CELF5: variants seen among roughly 807,000 people sequenced by gnomAD.
The protein encoded by CELF5 is CUGBP Elav-like family member 5, also known as CUG-BP and ETR-3 like factor 5.
Under a neutral mutation model 54.9 loss-of-function variants are expected in CELF5, and 6 were observed. The observed-to-expected ratio is 0.11, with a 90% CI of 0.06 to 0.22. CELF5 has a LOEUF of 0.22. CELF5 is among the 10% of genes least tolerant of loss of function. The pLI is 1.00. For missense variants in CELF5, 401 were observed against 678.6 expected (o/e 0.59, Z 4.54); for synonymous variants, 271 against 290.9 (o/e 0.93, Z 0.70).
At chr19:3,258,646 C>G (rs2079765489) in intron 2 of CELF5, among the ~76,000 whole-genome samples, 1 of 151,980 alleles carries the variant, frequency 6.6e-6, no homozygotes, top group Non-Finnish European at 1.5e-5. Flanking sequence ...GGGTCTTGCT[C>G]TGTCGCCCAG....
intron 1 of CELF5, among the ~76,000 whole-genome samples, chr19:3,235,404 A>T (rs112313692): frequency 6.7e-6 from 1 of 149,876 alleles, no homozygotes; most frequent in African/African-American, 2.5e-5. Flanking sequence ...AATAGACTGT[A>T]AGCCTCATTA....
rs2080098757 is a variant in CELF5, at chr19:3,278,701, T to TGTGTGTG, written c.603+591_603+592insGTGTGTG. Among the ~76,000 whole-genome samples the TGTGTGTG allele has an allele frequency of 8.6e-6, 1 of 116,246 alleles. No individual in the cohort carries two copies. The highest frequency in any genetic ancestry group is 8.7e-5 in the Admixed American group (1 of 11,434). The allele number at this position is 116,246 out of a possible 152,430, so 76.3% of individuals were successfully genotyped here. A position where few individuals can be genotyped will look rare whatever the true frequency, so the allele number is the denominator to read the frequency against. On this transcript the variant is annotated intron_variant, in intron 5 of 12. Coordinates refer to ENST00000292672, the MANE Select transcript of CELF5 (RefSeq NM_021938.4). The surrounding 1 kb of genome is among the most constrained non-coding windows in gnomAD (Gnocchi z 4.5). ...GGTTTGTGTGTGTGTGTGTGTGTGT[T>TGTGTGTG]TGTGTGTGTGCATGACTGTGAGTGT...
chr19:3,254,471 A>G (rs1414830530), intron 2 of CELF5, among the ~76,000 whole-genome samples: 3 of 149,464 alleles, frequency 2.0e-5, no homozygotes, highest in African/African-American at 7.5e-5. Context: ...CCATCTATCC[A>G]TCCACCCACC....
At chr19:3,225,480 C>CCCCAA in intron 1 of CELF5, 3 of 670,798 alleles carry the variant, frequency 4.5e-6, no homozygotes, top group Non-Finnish European at 5.5e-6. Context: ...CCCCCACCCC[C>CCCCAA]ATTCATTCAG....
intron 1 of CELF5, among the ~76,000 whole-genome samples, chr19:3,226,350 G>A (rs1358584086): frequency 6.6e-6 from 1 of 151,832 alleles, no homozygotes; most frequent in Admixed American, 6.6e-5. Flanking sequence ...TGGGGCCCAG[G>A]CCTGTCACTT....
chr19:3,226,603 C>T (rs1599374482), intron 1 of CELF5, among the ~76,000 whole-genome samples: 1 of 152,126 alleles, frequency 6.6e-6, no homozygotes, highest in African/African-American at 2.4e-5. Flanking sequence ...ACGCCCCCAC[C>T]CCTGGGTACA....
At position 3,268,232 on chromosome 19, in the gene CELF5, C is replaced by T. The variant is rs1259821812; in HGVS notation, c.343-5640C>T. On this transcript the variant is annotated intron_variant, in intron 2 of 12. Coordinates refer to ENST00000292672, the MANE Select transcript of CELF5 (RefSeq NM_021938.4). The surrounding 1 kb of genome is among the most constrained non-coding windows in gnomAD (Gnocchi z 4.4). ...CAGGCTGGTCTCGAACTCCTGACCT[C>T]AGGTGATCCGCCCGCCTCAGCCTCC... is the stretch of plus-strand genomic sequence containing the variant. Among the ~76,000 whole-genome samples the T allele has an allele frequency of 1.3e-5, 2 of 152,040 alleles. No homozygotes were observed. Among genetic ancestry groups the T allele is most frequent in the African/African-American group, 4.8e-5 (2 of 41,396 alleles).
intron 2 of CELF5, among the ~76,000 whole-genome samples, chr19:3,260,010 A>T (rs1442317615): frequency 6.6e-6 from 1 of 152,256 alleles, no homozygotes; most frequent in Non-Finnish European, 1.5e-5. Flanking sequence ...AGCAATATTT[A>T]AAAAGTAAAA....
intron 2 of CELF5, among the ~76,000 whole-genome samples, chr19:3,258,290 A>ATTT (rs574738460): frequency 5.6e-5 from 8 of 142,326 alleles, no homozygotes; most frequent in African/African-American, 2.1e-4. Flanking sequence ...TTTTGATTTA[A>ATTT]TTTTTTTTTT....
At chr19:3,277,691 C>T (rs2080079570) in intron 4 of CELF5, among the ~76,000 whole-genome samples, 1 of 152,078 alleles carries the variant, frequency 6.6e-6, no homozygotes, top group African/African-American at 2.4e-5. Context: ...GTTCTATGGA[C>T]TTTGTCGGTG....
At chr19:3,290,132 T>C in intron 10 of CELF5, 99 bp from the exon 11 acceptor site, 1 of 886,532 alleles carries the variant, frequency 1.1e-6, no homozygotes, top group Non-Finnish European at 1.8e-6. Flanking sequence ...TCCCGACAGC[T>C]GGAGAAGCCA....
intron 2 of CELF5, among the ~76,000 whole-genome samples, chr19:3,251,685 T>TTGTTGTTG (rs1383654415): frequency 6.9e-6 from 1 of 145,956 alleles, no homozygotes; most frequent in Non-Finnish European, 1.5e-5. Context: ...GTTGTTGTTG[T>TTGTTGTTG]TGTTGTTGAG....
intron 4 of CELF5, among the ~76,000 whole-genome samples, chr19:3,277,426 C>T (rs1293578835): frequency 6.6e-6 from 1 of 152,172 alleles, no homozygotes; most frequent in African/African-American, 2.4e-5. Flanking sequence ...GAGCCGAGAT[C>T]ACGCCACTGC....
intron 10 of CELF5, 61 bp from the exon 11 acceptor site, chr19:3,290,170 C>T (rs180871810): frequency 2.1e-6 from 3 of 1,444,714 alleles, no homozygotes; most frequent in African/African-American, 2.8e-5. Flanking sequence ...TGTGCCCCTC[C>T]CCCGGGGGGG....
intron 10 of CELF5, among the ~76,000 whole-genome samples, chr19:3,289,191 G>A (rs979005964): frequency 1.3e-5 from 2 of 152,122 alleles, no homozygotes; most frequent in Non-Finnish European, 2.9e-5. Flanking sequence ...TGCATCATCT[G>A]AGTTTTGAAA....
At position 3,228,596 on chromosome 19, in the gene CELF5, C is replaced by A. The variant is rs547120565; in HGVS notation, c.259+3598C>A. On this transcript the variant is annotated intron_variant, in intron 1 of 12. Transcript: ENST00000292672. The surrounding 1 kb of genome is among the most constrained non-coding windows in gnomAD (Gnocchi z 6.0). ...AATATTTGTCTTAAAGCGGAGGTTGCGCTGGGGGACGGTGCAGGTGGGGGG... is the reference window on the plus strand; with the variant it reads ...AATATTTGTCTTAAAGCGGAGGTTGAGCTGGGGGACGGTGCAGGTGGGGGG... Among the ~76,000 whole-genome samples, 1 of 136,922 alleles carries A rather than the reference C, an allele frequency of 7.3e-6. No individual in the cohort carries two copies. The highest frequency in any genetic ancestry group is 1.6e-5 in the Non-Finnish European group (1 of 63,158). 89.8% of individuals were successfully genotyped at this position (136,922 alleles called of 152,430 possible). A position where few individuals can be genotyped will look rare whatever the true frequency, so the allele number is the denominator to read the frequency against.
chr19:3,285,701 C>T (rs2080233551), intron 9 of CELF5, among the ~76,000 whole-genome samples: 2 of 112,538 alleles, frequency 1.8e-5, no homozygotes, highest in African/African-American at 6.6e-5. Context: ...TCGGTATTGG[C>T]CCTGCCCTCC....
At chr19:3,261,682 A>G (rs1316120091) in intron 2 of CELF5, among the ~76,000 whole-genome samples, 1 of 151,904 alleles carries the variant, frequency 6.6e-6, no homozygotes, top group Admixed American at 6.6e-5. Flanking sequence ...CTACCTGGGC[A>G]TGGTGGCATG....
intron 2 of CELF5, 114 bp downstream of exon 2, chr19:3,251,181 G>C: frequency 1.2e-5 from 9 of 762,484 alleles, no homozygotes; most frequent in Non-Finnish European, 2.0e-5. Flanking sequence ...TCGGGACTCA[G>C]AAAGAGGTAT....
Sources: allele counts gnomAD v4.1 joint callset (sites outside exome capture counted in the v4.1 genomes callset), GRCh38; gene constraint gnomAD v4.1.1; non-coding constraint Gnocchi (gnomAD v3.1); transcripts MANE v1.5; gene names NCBI Gene and HGNC (gene_info 2026-07-23, HGNC 2026-07-21).